RAPH1: variants seen among roughly 807,000 people sequenced by gnomAD.
RAPH1 encodes ras-associated and pleckstrin homology domains-containing protein 1.
Under a neutral mutation model 88.1 loss-of-function variants are expected in RAPH1, and 18 were observed. The ratio of observed to expected loss-of-function variants is 0.20; its 90% CI spans 0.14 to 0.30. RAPH1 has a LOEUF of 0.30. Ranked by LOEUF, RAPH1 falls within the 10% of genes least tolerant of loss-of-function variation. The probability of loss-of-function intolerance (pLI) is 1.00; values close to 1 mark genes in which losing one functional copy is unlikely to be tolerated. For synonymous variants in RAPH1, 587 were observed against 559.0 expected, an observed-to-expected ratio of 1.05 and a Z score of -0.71; for missense variants, 1,448 against 1,543.2, an observed-to-expected ratio of 0.94 and a Z score of 1.03.
chr2:203,485,675 C>G (rs1166779302), intron 4 of RAPH1, among the ~76,000 whole-genome samples: 1 of 152,134 alleles, frequency 6.6e-6, no homozygotes, highest in Non-Finnish European at 1.5e-5. Flanking sequence ...TACTGTTAAC[C>G]CTCTCTACCT....
intron 2 of RAPH1, among the ~76,000 whole-genome samples, chr2:203,492,279 T>C (rs1032752842): frequency 6.6e-6 from 1 of 152,116 alleles, no homozygotes; most frequent in African/African-American, 2.4e-5. Flanking sequence ...TGTTCTTTCT[T>C]TCCTCAAAGG....
At chr2:203,458,819 G>A (rs1184885977) in intron 7 of RAPH1, among the ~76,000 whole-genome samples, 2 of 151,708 alleles carry the variant, frequency 1.3e-5, no homozygotes, top group Non-Finnish European at 2.9e-5. Context: ...CTGGAGTGCA[G>A]TGGCACAATC....
At chr2:203,461,560 A>C in intron 5 of RAPH1, 152 bp from the exon 6 acceptor site, 1 of 530,906 alleles carries the variant, frequency 1.9e-6, no homozygotes, top group Non-Finnish European at 3.2e-6. Context: ...ATAGGCTAAA[A>C]ATCAGACATC....
chr2:203,482,543 T>C (rs912623807), intron 4 of RAPH1, among the ~76,000 whole-genome samples: 1 of 152,232 alleles, frequency 6.6e-6, no homozygotes, highest in African/African-American at 2.4e-5. Flanking sequence ...AACTTGATGA[T>C]TGTGTATATT....
At chr2:203,513,961 G>A (rs769603154) in intron 1 of RAPH1, among the ~76,000 whole-genome samples, 1 of 151,718 alleles carries the variant, frequency 6.6e-6, no homozygotes, top group African/African-American at 2.4e-5. Context: ...TCTCCTGCCT[G>A]AGCCTCCAGA....
intron 1 of RAPH1, among the ~76,000 whole-genome samples, chr2:203,511,562 T>C (rs1689342995): frequency 6.6e-6 from 1 of 152,174 alleles, no homozygotes; most frequent in Admixed American, 6.5e-5. Flanking sequence ...CTCAAACTAG[T>C]TTTAACAAAG....
chr2:203,480,333 G>C (rs1455062873), intron 4 of RAPH1, among the ~76,000 whole-genome samples: 1 of 152,166 alleles, frequency 6.6e-6, no homozygotes, highest in Non-Finnish European at 1.5e-5. Context: ...TGAATCACTT[G>C]AGGTCAGGAG....
At chr2:203,468,998 T>A (rs1456135614) in intron 4 of RAPH1, among the ~76,000 whole-genome samples, 1 of 152,180 alleles carries the variant, frequency 6.6e-6, no homozygotes, top group African/African-American at 2.4e-5. Context: ...ACAGAAAAGA[T>A]GACAACAGAT....
intron 1 of RAPH1, among the ~76,000 whole-genome samples, chr2:203,522,036 G>T (rs1689900524): frequency 6.6e-6 from 1 of 152,134 alleles, no homozygotes; most frequent in South Asian, 2.1e-4. Context: ...CACCTGACAA[G>T]ATTCTACTTT....
chr2:203,469,785 C>T (rs113519889), intron 4 of RAPH1, among the ~76,000 whole-genome samples: 70 of 152,252 alleles, frequency 4.6e-4, no homozygotes, highest in African/African-American at 1.7e-3. Context: ...TTCAATTTGA[C>T]TAAGTTAATA....
At chr2:203,442,198 T>C (rs1170761092) in intron 13 of RAPH1, 1 of 1,068,468 alleles carries the variant, frequency 9.4e-7, no homozygotes, top group Non-Finnish European at 1.3e-6. Flanking sequence ...ATAAAGAAAA[T>C]GTATCAAGAA....
chr2:203,476,815 A>G (rs1687476789), intron 4 of RAPH1, among the ~76,000 whole-genome samples: 2 of 152,222 alleles, frequency 1.3e-5, no homozygotes, highest in Non-Finnish European at 2.9e-5. Flanking sequence ...TTAGTTTCAG[A>G]ATAAAGAAGG....
At chr2:203,491,829 T>C (rs540847293) in intron 2 of RAPH1, among the ~76,000 whole-genome samples, 1 of 152,330 alleles carries the variant, frequency 6.6e-6, no homozygotes, top group African/African-American at 2.4e-5. Flanking sequence ...TTAAAGGCAC[T>C]TGAGATTGTC....
intron 4 of RAPH1, among the ~76,000 whole-genome samples, chr2:203,471,677 T>TA (rs2098533211): frequency 6.6e-6 from 1 of 152,176 alleles, no homozygotes; most frequent in African/African-American, 2.4e-5. Context: ...AAAAACATGT[T>TA]ACAGAAGACA....
intron 4 of RAPH1, among the ~76,000 whole-genome samples, chr2:203,487,117 A>G (rs534247592): frequency 6.6e-6 from 1 of 152,194 alleles, no homozygotes; most frequent in Non-Finnish European, 1.5e-5. Flanking sequence ...CACATTTTAC[A>G]GACAGAAAGA....
At chr2:203,493,232 T>C (rs544508574) in intron 2 of RAPH1, among the ~76,000 whole-genome samples, 1 of 152,332 alleles carries the variant, frequency 6.6e-6, no homozygotes, top group East Asian at 1.9e-4. Context: ...TTCACACTTT[T>C]ATGTCAGGCA....
chr2:203,486,735 T>G (rs753857910), intron 4 of RAPH1, among the ~76,000 whole-genome samples: 7 of 152,212 alleles, frequency 4.6e-5, no homozygotes, highest in Non-Finnish European at 8.8e-5. Context: ...ATACATGAGT[T>G]CAGGATATAT....
intron 1 of RAPH1, among the ~76,000 whole-genome samples, chr2:203,506,850 C>CTATATATATATCTATATCTA: frequency 1.3e-5 from 1 of 75,480 alleles, no homozygotes; most frequent in Non-Finnish European, 2.1e-5. Context: ...ATATATCTAT[C>CTATATATATATCTATATCTA]TATATCTATA....
intron 4 of RAPH1, among the ~76,000 whole-genome samples, chr2:203,476,220 T>A (rs1460769628): frequency 6.6e-6 from 1 of 152,134 alleles, no homozygotes. Context: ...AGTGGTGTGA[T>A]CTTGGCTCAC....
Sources: allele counts gnomAD v4.1 joint callset (sites outside exome capture counted in the v4.1 genomes callset), GRCh38; gene constraint gnomAD v4.1.1; transcripts MANE v1.5; gene names NCBI Gene and HGNC (gene_info 2026-07-23, HGNC 2026-07-21).